Variants in DNAH2 observed in about 807,000 individuals in gnomAD.
The protein encoded by DNAH2 is dynein axonemal heavy chain 2, also known as axonemal beta dynein heavy chain 2.
Under a neutral mutation model 523.5 loss-of-function variants are expected in DNAH2, and 323 were observed. That is an observed-to-expected ratio of 0.62 (90% CI 0.56 to 0.68). DNAH2 has a LOEUF of 0.68. Among genes scored for constraint, DNAH2 ranks in the 30% least tolerant of loss-of-function variants. DNAH2 has a pLI of 0.00. For missense variants in DNAH2, 4,907 were observed against 5,701.5 expected, an observed-to-expected ratio of 0.86 and a Z score of 4.49; for synonymous variants, 2,093 against 2,177.4, an observed-to-expected ratio of 0.96 and a Z score of 1.08.
chr17:7,748,341 T>A (rs974555644), intron 12 of DNAH2, among the ~76,000 whole-genome samples: 3 of 152,172 alleles, frequency 2.0e-5, no homozygotes, highest in Non-Finnish European at 4.4e-5. Flanking sequence ...CTCTCTTTTT[T>A]CCCCGGTCAC....
chr17:7,737,522 C>T (rs958329186), intron 8 of DNAH2, among the ~76,000 whole-genome samples: 46 of 152,174 alleles, frequency 3.0e-4, no homozygotes, highest in African/African-American at 9.9e-4. Flanking sequence ...TGGTGGAAGA[C>T]GGGGAAGCAG....
At chr17:7,790,347 T>C (rs2076863353) in intron 44 of DNAH2, among the ~76,000 whole-genome samples, 1 of 151,774 alleles carries the variant, frequency 6.6e-6, no homozygotes, top group Non-Finnish European at 1.5e-5. Flanking sequence ...TCCTGTCTCC[T>C]GAGTAGCTGG....
chr17:7,807,296 T>C lies in DNAH2; in HGVS notation c.9589T>C (p.Cys3197Arg). 1 of 1,613,542 alleles carries C rather than the reference T, an allele frequency of 6.2e-7. No homozygotes were observed. The highest frequency in any genetic ancestry group is 8.5e-7 in the Non-Finnish European group (1 of 1,179,968). ...CGTCTCCCTGGCTGCCAAGTCCCTCTGCATGTGGGTGCGGGCCATGGAGGT... is the reference window on the plus strand; with the variant it reads ...CGTCTCCCTGGCTGCCAAGTCCCTCCGCATGTGGGTGCGGGCCATGGAGGT... ...GRVSLAAKSLCMWVRAMELYG... is the reference protein window; with the variant it reads ...GRVSLAAKSLRMWVRAMELYG... Residue 3197 changes from cysteine to arginine, a missense_variant, in exon 62 of 86, where the codon TGC becomes CGC. Transcript: ENST00000572933. This position sits in a 1 kb window ranked among gnomAD's most constrained non-coding sequence, Gnocchi z 5.6.
chr17:7,824,145 TC>T lies in DNAH2; in HGVS notation c.11507del (p.Pro3836HisfsTer50). ...KSVLEDSTPR[S>X]PLVFILSPGV... ...GGTGCTGGAGGATTCAACCCCACGA[TC>T]CCCACTCGTGTTCATCCTGTCCCCT... is the stretch of plus-strand genomic sequence containing the variant. On this transcript the variant is annotated frameshift_variant, in exon 76 of 86. Transcript: ENST00000572933. LOFTEE classifies it high-confidence loss of function. The T allele has an allele frequency of 6.4e-7, 1 of 1,567,536 alleles. No individual in the cohort carries two copies.
intron 58 of DNAH2, among the ~76,000 whole-genome samples, chr17:7,803,140 G>C (rs545487001): frequency 4.6e-5 from 7 of 152,100 alleles, no homozygotes; most frequent in Non-Finnish European, 1.0e-4. Context: ...AGTCTGAAAT[G>C]GTCTACCTGG....
At chr17:7,784,983 G>A (rs2076695680) in intron 39 of DNAH2, among the ~76,000 whole-genome samples, 1 of 152,050 alleles carries the variant, frequency 6.6e-6, no homozygotes, top group South Asian at 2.1e-4. Context: ...TCCATAAAGA[G>A]ATGCATTTGA....
rs780801248 is a variant in DNAH2, at chr17:7,767,591, G to A, written c.3676-309G>A. Among the ~76,000 whole-genome samples the A allele has an allele frequency of 1.1e-3, 165 of 149,042 alleles. 1 individual carries two copies. Among genetic ancestry groups the A allele is most frequent in the Non-Finnish European group, 1.9e-3 (127 of 67,452 alleles). ...AGTCTCCCTATTTCTCCATATCTCC[G>A]TGCCAACACTTATTTACCTTTTTTT... On this transcript the variant is annotated intron_variant, in intron 22 of 85. Transcript: ENST00000572933.
chr17:7,814,226 T>C (rs1422160394), intron 63 of DNAH2, among the ~76,000 whole-genome samples: 1 of 150,460 alleles, frequency 6.6e-6, no homozygotes, highest in East Asian at 1.9e-4. Flanking sequence ...AATTATTTTC[T>C]AAGATATGAC....
At position 7,798,299 on chromosome 17, in the gene DNAH2, T is replaced by C; in HGVS notation, c.8373T>C (p.His2791=). 1 of 1,612,492 alleles carries C rather than the reference T, an allele frequency of 6.2e-7. No homozygotes were observed. Among genetic ancestry groups the C allele is most frequent in the Non-Finnish European group, 8.5e-7 (1 of 1,178,784 alleles). The change falls in exon 54 of 86, where the codon CAT becomes CAC. Residue 2791 remains histidine (H), a synonymous_variant. Coordinates refer to ENST00000572933, the MANE Select transcript of DNAH2 (RefSeq NM_020877.5). The surrounding 1 kb of genome is among the most constrained non-coding windows in gnomAD (Gnocchi z 5.5). ...YTTFQIEVTK[H]YRKQEFRDDI... ...CCTTCCAGATCGAGGTCACCAAACA[T>C]TATCGGAAGCAGGAGTTCCGAGATG...
In DNAH2 at chr17:7,833,449, C is replaced by A; in HGVS notation, c.13200C>A (p.Ile4400=). 2 of 1,614,162 alleles carry A rather than the reference C, an allele frequency of 1.2e-6. No homozygotes were observed. The highest frequency in any genetic ancestry group is 1.7e-6 in the Non-Finnish European group (2 of 1,180,028). Residue 4400 remains isoleucine (I), a synonymous_variant, in exon 86 of 86, where the codon ATC becomes ATA. Transcript: ENST00000572933. The stretch of plus-strand genomic sequence containing the variant: ...GCTCAGACCGAGCCTCCTTTGTCAT[C>A]GGCATTGACCTGCGGTCTGGGGCCA... ...AGSSDRASFV[I]GIDLRSGAMT...
Position 7,774,903 on chromosome 17 carries a change from C to T in DNAH2, c.4646C>T (p.Ser1549Phe). 1 of 1,614,184 alleles carries T rather than the reference C, an allele frequency of 6.2e-7. No homozygotes were observed. The highest frequency in any genetic ancestry group is 1.1e-5 in the South Asian group (1 of 91,078). ...NDDLLEILGQ[S>F]RNPEAVQPHL... ...GACCTGCTGGAGATTCTGGGCCAGTCCCGAAACCCAGAGGCTGTGCAGCCA... is the reference window on the plus strand; with the variant it reads ...GACCTGCTGGAGATTCTGGGCCAGTTCCGAAACCCAGAGGCTGTGCAGCCA... Residue 1549 changes from serine (S) to phenylalanine (F), a missense_variant, in exon 29 of 86, where the codon TCC becomes TTC. Transcript: ENST00000572933.
intron 28 of DNAH2, among the ~76,000 whole-genome samples, chr17:7,772,276 A>G (rs925473630): frequency 1.3e-5 from 2 of 152,180 alleles, no homozygotes; most frequent in Non-Finnish European, 2.9e-5. Flanking sequence ...TCATTTTCCC[A>G]AGAGCCTTCA....
In DNAH2 at chr17:7,801,569, C is replaced by T; in HGVS notation, c.8700-9C>T. 1 of 1,614,126 alleles carries T rather than the reference C, an allele frequency of 6.2e-7. No individual in the cohort carries two copies. Among genetic ancestry groups the T allele is most frequent in the Non-Finnish European group, 8.5e-7 (1 of 1,180,004 alleles). On this transcript the variant is annotated splice_polypyrimidine_tract_variant and intron_variant, in intron 56 of 85. Transcript: ENST00000572933. ...ACGGAATTTACAGCCTCTCCAAACCCCTTCCCAGGAACTGGATCCGCCAGT... is the reference window on the plus strand; with the variant it reads ...ACGGAATTTACAGCCTCTCCAAACCTCTTCCCAGGAACTGGATCCGCCAGT...
Position 7,817,386 on chromosome 17 carries a change from G to A in DNAH2, c.9991G>A (p.Glu3331Lys). Residue 3331 changes from glutamate to lysine, a missense_variant, in exon 65 of 86, where the codon GAG becomes AAG. By Grantham distance (56) the Glu-to-Lys change is moderately conservative. Coordinates refer to ENST00000572933, the MANE Select transcript of DNAH2 (RefSeq NM_020877.5). ...ACCCTTCCTGACCAACTACCGGGATGAGATTGTCAACCAAATCTGGATCGG... is the reference window on the plus strand; with the variant it reads ...ACCCTTCCTGACCAACTACCGGGATAAGATTGTCAACCAAATCTGGATCGG... Reference protein sequence around the residue: ...MGPFLTNYRDEIVNQIWIGKI... With the variant: ...MGPFLTNYRDKIVNQIWIGKI... 1 of 1,613,936 alleles carries A rather than the reference G, an allele frequency of 6.2e-7. No individual in the cohort carries two copies. Among genetic ancestry groups the A allele is most frequent in the Non-Finnish European group, 8.5e-7 (1 of 1,179,992 alleles).
chr17:7,823,339 G>T, intron 73 of DNAH2, 103 bp from the exon 74 acceptor site: 1 of 1,083,704 alleles, frequency 9.2e-7, no homozygotes, highest in Non-Finnish European at 1.3e-6. Flanking sequence ...CCGAGAGAGA[G>T]AAAAATACAG....
chr17:7,791,735 G>T (rs2076902950), intron 44 of DNAH2, among the ~76,000 whole-genome samples, 182 bp from the exon 45 acceptor site: 1 of 152,204 alleles, frequency 6.6e-6, no homozygotes, highest in African/African-American at 2.4e-5. Context: ...AGAAATTTCA[G>T]GTTTGTCTGT....
At chr17:7,768,760 C>T (rs925016611) in intron 24 of DNAH2, among the ~76,000 whole-genome samples, 1 of 152,212 alleles carries the variant, frequency 6.6e-6, no homozygotes, top group Non-Finnish European at 1.5e-5. Flanking sequence ...TCAACCTGTT[C>T]AGACTTTACA....
At chr17:7,818,156 C>CTT in intron 68 of DNAH2, 60 bp downstream of exon 68, 2 of 1,605,156 alleles carry the variant, frequency 1.2e-6, no homozygotes, top group Non-Finnish European at 1.7e-6. Context: ...GGCTGGCTCT[C>CTT]TGACTGTGTC....
intron 8 of DNAH2, chr17:7,737,953 C>T (rs1222148999): frequency 1.6e-5 from 11 of 702,710 alleles, no homozygotes; most frequent in East Asian, 8.0e-5. Flanking sequence ...TGTGGGGACT[C>T]CTTCTGCAGA....
Sources: gnomAD v4.1 joint callset for allele counts (sites outside exome capture counted in the v4.1 genomes callset) on GRCh38, gnomAD v4.1.1 for gene constraint, Gnocchi (gnomAD v3.1) non-coding constraint, MANE v1.5 for transcripts, NCBI Gene and HGNC (gene_info 2026-07-23, HGNC 2026-07-21) for gene names.